ENTPD8: variants seen among roughly 807,000 people sequenced by gnomAD.
The protein encoded by ENTPD8 is E-NTPDase 8.
ENTPD8 carries 35 observed loss-of-function variants against 47.0 expected under a neutral mutation model. The ratio of observed to expected loss-of-function variants is 0.75; its 90% CI spans 0.57 to 0.99. The LOEUF is 0.99. ENTPD8 is among the 50% of genes least tolerant of loss of function. The pLI is 0.00. For synonymous variants in ENTPD8, 308 were observed against 290.5 expected (o/e 1.06, Z -0.61); for missense variants, 668 against 649.9 (o/e 1.03, Z -0.30).
At chr9:137,439,353 C>T (rs909465465) in intron 1 of ENTPD8, among the ~76,000 whole-genome samples, 2 of 152,152 alleles carry the variant, frequency 1.3e-5, no homozygotes, top group Admixed American at 6.5e-5. Context: ...CCACTTCACA[C>T]GGGTACCACT....
rs933772108 is a variant in ENTPD8 at position 137,439,388 on chromosome 9, G to A, written c.-20-1083C>T. Among the ~76,000 whole-genome samples, 98 of 152,224 alleles carry A rather than the reference G, an allele frequency of 6.4e-4. 2 individuals carry two copies. Among genetic ancestry groups the A allele is most frequent in the African/African-American group, 2.2e-3 (93 of 41,528 alleles). ...TGCCAAAGGAGTGGTCAAAGCCAGA[G>A]GCTGCCTGCCAAGGTCCCGGCACCT... On this transcript the variant is annotated intron_variant, in intron 1 of 9. Transcript: ENST00000371506.
intron 4 of ENTPD8, 23 bp downstream of exon 4, chr9:137,437,136 T>A: frequency 1.2e-6 from 2 of 1,610,306 alleles, no homozygotes; most frequent in East Asian, 2.2e-5. Flanking sequence ...TCCCCGTGGG[T>A]GCCAAGGCCA....
chr9:137,435,840 G>A lies in ENTPD8; in HGVS notation c.1051-11C>T, dbSNP rs764047685. 1 of 1,612,322 alleles carries A rather than the reference G, an allele frequency of 6.2e-7. No individual in the cohort carries two copies. On this transcript the variant is annotated splice_polypyrimidine_tract_variant and intron_variant, in intron 7 of 9. Transcript: ENST00000371506. ...GAAGTTGGAGAAGGCCTGAGTGAGA[G>A]GGGAGGTGGCTGTGCCTTCGCTGTG... is the stretch of plus-strand genomic sequence containing the variant.
chr9:137,437,116 C>T, intron 4 of ENTPD8, 43 bp downstream of exon 4: 1 of 1,604,228 alleles, frequency 6.2e-7, no homozygotes, highest in South Asian at 1.1e-5. Context: ...ACCATGGCTT[C>T]TGCAGCCACT....
intron 1 of ENTPD8, among the ~76,000 whole-genome samples, chr9:137,439,321 C>T (rs1373676901): frequency 6.6e-6 from 1 of 152,112 alleles, no homozygotes; most frequent in Non-Finnish European, 1.5e-5. Flanking sequence ...TACCCCAGGC[C>T]GACCCTGTGC....
At chr9:137,435,615 C>G in intron 8 of ENTPD8, 104 bp downstream of exon 8, 1 of 1,234,490 alleles carries the variant, frequency 8.1e-7, no homozygotes, top group Non-Finnish European at 1.2e-6. Context: ...CTCCCCCGGC[C>G]CTGCTGGCCG....
intron 8 of ENTPD8, 99 bp from the exon 9 acceptor site, chr9:137,435,437 CAA>C (rs1564245524): frequency 2.0e-6 from 3 of 1,499,026 alleles, no homozygotes; most frequent in East Asian, 4.6e-5. Context: ...ACGCAGACAA[CAA>C]GAGGGTGCCG....
chr9:137,436,918 C>G lies in ENTPD8; in HGVS notation c.506G>C (p.Gly169Ala), dbSNP rs535800241. Residue 169 changes from glycine to alanine, a missense_variant, in exon 5 of 10, where the codon GGT becomes GCT. Transcript: ENST00000371506. ...GAELLAGQAEGAFGWITVNYG... is the reference protein window; with the variant it reads ...GAELLAGQAEAAFGWITVNYG... ...GTTGACAGTGATCCAACCAAAGGCA[C>G]CTTCGGCCTGCCCGGCCAGGAGCTC... is the stretch of plus-strand genomic sequence containing the variant. 6.2e-7 allele frequency: 1 copy of G among 1,612,946 alleles called. No individual in the cohort carries two copies.
At chr9:137,436,410 G>T in intron 6 of ENTPD8, 111 bp downstream of exon 6, 1 of 1,340,446 alleles carries the variant, frequency 7.5e-7, no homozygotes, top group Non-Finnish European at 1.0e-6. Context: ...ACCCACGCCA[G>T]CCCCGCGCCC....
chr9:137,435,696 C>CA (rs1839326018), intron 8 of ENTPD8, 23 bp downstream of exon 8: 1 of 1,591,532 alleles, frequency 6.3e-7, no homozygotes, highest in Non-Finnish European at 8.6e-7. Context: ...TCGCTGCAGC[C>CA]AGGGAGCCCA....
Position 137,437,197 on chromosome 9 carries a change from G to A in ENTPD8, c.357C>T (p.Pro119=), listed in dbSNP as rs1265862226. 6.2e-7 allele frequency: 1 copy of A among 1,612,992 alleles called. No individual in the cohort carries two copies. Among genetic ancestry groups the A allele is most frequent in the Admixed American group, 1.7e-5 (1 of 60,018 alleles). ...TGCCAGCCGTGGCCCCCAGGAACGT[G>A]GGTGTTTTCCGATGCTGGGCCTCTG... is the stretch of plus-strand genomic sequence containing the variant. ...LIPEAQHRKT[P]TFLGATAGMR... The change falls in exon 4 of 10, where the codon CCC becomes CCT. Residue 119 remains proline, a synonymous_variant. Transcript: ENST00000371506.
chr9:137,435,340 TG>T lies in ENTPD8; in HGVS notation c.1162-3del. On this transcript the variant is annotated splice_region_variant and splice_polypyrimidine_tract_variant and intron_variant, in intron 8 of 9. Coordinates refer to ENST00000371506, the MANE Select transcript of ENTPD8 (RefSeq NM_001033113.2). The stretch of plus-strand genomic sequence containing the variant: ...CTGCCCAGGGTAGCTGGCCTCCACC[TG>T]GGGCCCAGGAGACCAAGAGGCGAGG... The T allele has an allele frequency of 1.2e-6, 2 of 1,608,742 alleles. No individual in the cohort carries two copies. Among genetic ancestry groups the T allele is most frequent in the South Asian group, 2.2e-5 (2 of 90,800 alleles).
In ENTPD8 at chr9:137,438,231, C is replaced by T. The variant is rs1839424021; in HGVS notation, c.55G>A (p.Val19Ile). ...VFLALLGASG[V>I]SGLTALILLL... ...AGAATGAGTGCCGTGAGGCCTGAGA[C>T]CCCCGAGGCCCCCAGCAGGGCCAAG... is the stretch of plus-strand genomic sequence containing the variant. The change falls in exon 2 of 10, where the codon GTC (valine) becomes ATC (isoleucine). Residue 19 changes from valine (V) to isoleucine (I), a missense_variant. By Grantham distance (29) the Val-to-Ile change is conservative. Coordinates refer to ENST00000371506, the MANE Select transcript of ENTPD8 (RefSeq NM_001033113.2). This position sits in a 1 kb window ranked among gnomAD's most constrained non-coding sequence, Gnocchi z 5.7. The T allele has an allele frequency of 1.2e-6, 2 of 1,601,544 alleles. No individual in the cohort carries two copies. Among genetic ancestry groups the T allele is most frequent in the Middle Eastern group, 1.7e-4 (1 of 6,006 alleles).
At chr9:137,437,378 GACATGACC>G in intron 3 of ENTPD8, 69 bp from the exon 4 acceptor site, 1 of 1,551,476 alleles carries the variant, frequency 6.4e-7, no homozygotes, top group Non-Finnish European at 8.7e-7. Flanking sequence ...AGCCCCCAAA[GACATGACC>G]ACCTCATGCC....
intron 6 of ENTPD8, 56 bp downstream of exon 6, chr9:137,436,465 C>T (rs1485667072): frequency 6.5e-7 from 1 of 1,532,570 alleles, no homozygotes; most frequent in Non-Finnish European, 8.9e-7. Context: ...CACGCCAGCC[C>T]TGTGCCCATA....
Position 137,434,878 on chromosome 9 carries a change from C to A in ENTPD8, c.*36G>T. On this transcript the variant is annotated 3_prime_UTR_variant, in exon 10 of 10. Transcript: ENST00000371506. ...CCTCCAGCATCCGGGACGCAGCTGCCTGTGGGCTCTGTGGGGGCCCACCTC... is the reference window on the plus strand; with the variant it reads ...CCTCCAGCATCCGGGACGCAGCTGCATGTGGGCTCTGTGGGGGCCCACCTC... 6.4e-7 allele frequency: 1 copy of A among 1,565,040 alleles called. No individual in the cohort carries two copies. The highest frequency in any genetic ancestry group is 8.7e-7 in the Non-Finnish European group (1 of 1,155,402).
At chr9:137,437,064 A>G (rs1241016730) in intron 4 of ENTPD8, 36 bp from the exon 5 acceptor site, 1 of 1,605,388 alleles carries the variant, frequency 6.2e-7, no homozygotes, top group Non-Finnish European at 8.5e-7. Flanking sequence ...AGCTGGCTGG[A>G]AGCCTGGGCC....
rs765272875 is a variant in ENTPD8, at chr9:137,436,057, C to T, written c.1006G>A (p.Ala336Thr). The T allele has an allele frequency of 7.4e-6, 12 of 1,612,940 alleles. No individual in the cohort carries two copies. The highest frequency in any genetic ancestry group is 2.7e-5 in the African/African-American group (2 of 75,068). ...FSSCQGQEDC[A>T]FDGVYQPPLR... ...GGGGGCTGGTAGACCCCGTCAAAGGCGCAGTCCTCCTGGCCCTGGCAGCTG... is the reference window on the plus strand; with the variant it reads ...GGGGGCTGGTAGACCCCGTCAAAGGTGCAGTCCTCCTGGCCCTGGCAGCTG... The change falls in exon 7 of 10, where the codon GCC becomes ACC. Residue 336 changes from alanine (A) to threonine (T), a missense_variant. Physicochemically the swap from Ala to Thr is moderately conservative, Grantham distance 58. Coordinates refer to ENST00000371506, the MANE Select transcript of ENTPD8 (RefSeq NM_001033113.2).
At chr9:137,439,166 CCTT>C (rs1411184565) in intron 1 of ENTPD8, among the ~76,000 whole-genome samples, 1 of 152,198 alleles carries the variant, frequency 6.6e-6, no homozygotes, top group Non-Finnish European at 1.5e-5. Context: ...TGACTCTGCA[CCTT>C]CTTAGCTGGT....
Sources: allele counts gnomAD v4.1 joint callset (sites outside exome capture counted in the v4.1 genomes callset), GRCh38; gene constraint gnomAD v4.1.1; non-coding constraint Gnocchi (gnomAD v3.1); transcripts MANE v1.5; gene names NCBI Gene and HGNC (gene_info 2026-07-23, HGNC 2026-07-21).